SVIL: variants seen among roughly 807,000 people sequenced by gnomAD.
The protein encoded by SVIL is archvillin.
A neutral mutation model predicts 240.4 loss-of-function variants in SVIL; 101 were observed. The ratio of observed to expected loss-of-function variants is 0.42; its 90% CI spans 0.36 to 0.50. SVIL has a LOEUF of 0.50. SVIL is among the 20% of genes least tolerant of loss of function. SVIL has a pLI of 0.01. For synonymous variants in SVIL, 999 were observed against 1,100.0 expected, an observed-to-expected ratio of 0.91 and a Z score of 1.82; for missense variants, 2,512 against 2,818.7, an observed-to-expected ratio of 0.89 and a Z score of 2.46.
chr10:29,496,450 G>A, intron 18 of SVIL: 1 of 454,102 alleles, frequency 2.2e-6, no homozygotes, highest in Non-Finnish European at 4.4e-6. Context: ...CACAGAGGCC[G>A]TTAACTCCGC....
chr10:29,702,190 A>AG (rs1215987140), intron 1 of SVIL, among the ~76,000 whole-genome samples: 32 of 151,536 alleles, frequency 2.1e-4, no homozygotes, highest in African/African-American at 7.2e-4. Context: ...AAAAAAAAAA[A>AG]AAAAAAAGTA....
intron 3 of SVIL, among the ~76,000 whole-genome samples, chr10:29,654,917 T>C (rs1402452008): frequency 1.3e-5 from 2 of 152,000 alleles, no homozygotes; most frequent in Non-Finnish European, 2.9e-5. Context: ...CTTTCCCCTG[T>C]CTTTTTTTCT....
chr10:29,702,254 G>A (rs1962575528), intron 1 of SVIL, among the ~76,000 whole-genome samples: 1 of 148,334 alleles, frequency 6.7e-6, no homozygotes, highest in Admixed American at 6.7e-5. Flanking sequence ...ACTTCATAAA[G>A]GACAGAGGAG....
chr10:29,703,478 T>C, intron 1 of SVIL, among the ~76,000 whole-genome samples: 1 of 152,238 alleles, frequency 6.6e-6, no homozygotes, highest in East Asian at 1.9e-4. Flanking sequence ...TCATGGCAAG[T>C]GAAGCAGAGA....
chr10:29,471,345 T>A, intron 30 of SVIL, 102 bp from the exon 31 acceptor site: 1 of 937,440 alleles, frequency 1.1e-6, no homozygotes, highest in Admixed American at 3.0e-5. Flanking sequence ...TACCAAGACG[T>A]ACAAACAAAA....
chr10:29,673,417 C>T (rs981429406), intron 2 of SVIL, among the ~76,000 whole-genome samples: 3 of 151,294 alleles, frequency 2.0e-5, no homozygotes, highest in African/African-American at 7.3e-5. Context: ...TTGTATTAGT[C>T]CATTTTTACA....
chr10:29,729,500 T>C lies in SVIL; in HGVS notation c.-400+6251A>G, dbSNP rs1013584731. ...GTGTGTGTGTGTGTGTGTGTGTATG[T>C]ATGTGGTGTGTGTAGCAAGACAGAG... On this transcript the variant is annotated intron_variant, in intron 1 of 35. Transcript: ENST00000375400. Among the ~76,000 whole-genome samples the C allele has an allele frequency of 2.2e-3, 295 of 132,920 alleles. 3 individuals carry two copies. Among genetic ancestry groups the C allele is most frequent in the Non-Finnish European group, 3.3e-3 (204 of 61,030 alleles). 87.2% of individuals were successfully genotyped at this position (132,920 alleles called of 152,430 possible).
intron 1 of SVIL, among the ~76,000 whole-genome samples, chr10:29,711,171 G>T (rs1242215600): frequency 1.3e-5 from 2 of 151,846 alleles, no homozygotes; most frequent in Non-Finnish European, 1.5e-5. Context: ...AGGCTGAGGA[G>T]GGCAGATCAC....
chr10:29,458,985 T>C (rs1349417342), intron 36 of SVIL, among the ~76,000 whole-genome samples: 1 of 142,116 alleles, frequency 7.0e-6, no homozygotes, highest in African/African-American at 2.6e-5. Context: ...TTATTTTTCC[T>C]TTTCCATTTT....
chr10:29,525,991 G>C (rs1950873394), intron 13 of SVIL, among the ~76,000 whole-genome samples: 1 of 152,168 alleles, frequency 6.6e-6, no homozygotes, highest in Non-Finnish European at 1.5e-5. Flanking sequence ...TCCCGGCACT[G>C]CCATTATTTT....
chr10:29,546,060 T>C (rs1952654847), intron 6 of SVIL, among the ~76,000 whole-genome samples: 1 of 152,126 alleles, frequency 6.6e-6, no homozygotes, highest in Non-Finnish European at 1.5e-5. Flanking sequence ...TTTCTTTATA[T>C]AGATACGTGA....
intron 1 of SVIL, among the ~76,000 whole-genome samples, chr10:29,602,723 C>T (rs191482175): frequency 1.7e-3 from 262 of 151,968 alleles, no homozygotes; most frequent in Non-Finnish European, 2.3e-3. Context: ...CTGTGGCTCA[C>T]GCCTGTAATC....
intron 13 of SVIL, among the ~76,000 whole-genome samples, 171 bp from the exon 14 acceptor site, chr10:29,524,886 C>T (rs191149605): frequency 2.8e-4 from 43 of 151,932 alleles, no homozygotes; most frequent in Non-Finnish European, 1.2e-4. Flanking sequence ...CAAGCAGAGT[C>T]GGCACAGGAC....
intron 2 of SVIL, among the ~76,000 whole-genome samples, chr10:29,677,980 G>A (rs1022816028): frequency 6.6e-5 from 10 of 152,142 alleles, no homozygotes; most frequent in South Asian, 2.1e-4. Flanking sequence ...GTCTAAAATG[G>A]GCAAATATCA....
intron 2 of SVIL, among the ~76,000 whole-genome samples, chr10:29,568,821 G>GGA (rs1554859019): frequency 6.9e-5 from 9 of 130,752 alleles, no homozygotes; most frequent in South Asian, 2.6e-4. Context: ...ATGGATGGAT[G>GGA]TGTGTGTGTG....
chr10:29,587,225 C>T (rs537234826), intron 1 of SVIL, among the ~76,000 whole-genome samples: 18 of 152,314 alleles, frequency 1.2e-4, no homozygotes, highest in African/African-American at 3.4e-4. Flanking sequence ...AAGGAGAGTG[C>T]ATATTCCTGT....
intron 1 of SVIL, among the ~76,000 whole-genome samples, chr10:29,574,093 T>A (rs1955575614): frequency 6.6e-6 from 1 of 152,228 alleles, no homozygotes; most frequent in Non-Finnish European, 1.5e-5. Flanking sequence ...CAGCTCAGCA[T>A]GAACGCACAA....
intron 2 of SVIL, 54 bp from the exon 3 acceptor site, chr10:29,563,346 TG>T: frequency 1.2e-6 from 1 of 839,826 alleles, no homozygotes; most frequent in Non-Finnish European, 1.4e-6. Flanking sequence ...GATATATAAG[TG>T]AAAAAATGCA....
intron 2 of SVIL, among the ~76,000 whole-genome samples, chr10:29,568,894 G>C (rs1771426998): frequency 6.6e-6 from 1 of 151,866 alleles, no homozygotes; most frequent in Non-Finnish European, 1.5e-5. Flanking sequence ...GAAGGAAGGA[G>C]GAAGGGAGAA....
Sources: gnomAD v4.1 joint callset for allele counts (sites outside exome capture counted in the v4.1 genomes callset) on GRCh38, gnomAD v4.1.1 for gene constraint, MANE v1.5 for transcripts, NCBI Gene and HGNC (gene_info 2026-07-23, HGNC 2026-07-21) for gene names.